Variants in MGAT4C observed in about 807,000 individuals in gnomAD.
MGAT4C encodes the protein MGAT4 family member C.
In MGAT4C, 19 loss-of-function variants were observed where a neutral mutation model predicts 40.1. The observed-to-expected ratio is 0.47, with a 90% confidence interval of 0.33 to 0.70. MGAT4C has a LOEUF of 0.70. Among genes scored for constraint, MGAT4C ranks in the 30% least tolerant of loss-of-function variants. MGAT4C has a pLI of 0.02. For missense variants in MGAT4C, 491 were observed against 563.2 expected (o/e 0.87, Z 1.30); for synonymous variants, 181 against 187.1 (o/e 0.97, Z 0.27).
chr12:86,037,607 A>C (rs1369703406), intron 2 of MGAT4C, among the ~76,000 whole-genome samples: 3 of 149,856 alleles, frequency 2.0e-5, no homozygotes, highest in Non-Finnish European at 4.5e-5. Context: ...GTTTTGAGTG[A>C]GTTTCTTAAT....
At chr12:86,674,352 A>T (rs1342804839) in intron 2 of MGAT4C, among the ~76,000 whole-genome samples, 1 of 152,112 alleles carries the variant, frequency 6.6e-6, no homozygotes, top group Non-Finnish European at 1.5e-5. Flanking sequence ...AATTTTTACT[A>T]TGCATTTTCT....
At chr12:86,603,748 TTATATATAA>T (rs1483587432) in intron 2 of MGAT4C, among the ~76,000 whole-genome samples, 17 of 131,970 alleles carry the variant, frequency 1.3e-4, no homozygotes, top group East Asian at 4.3e-4. Context: ...ATACTATATA[TTATATATAA>T]TATATAGTAT....
Position 85,964,458 on chromosome 12 carries a change from G to T in MGAT4C, c.*14831C>A, listed in dbSNP as rs375594924. 6.6e-6 allele frequency: 1 copy of T among 151,920 alleles called. No individual in the cohort carries two copies. Among genetic ancestry groups the T allele is most frequent in the Non-Finnish European group, 1.5e-5 (1 of 67,952 alleles). The allele number at this position is 151,920 out of a possible 1,614,324, so 9.4% of individuals were successfully genotyped here. On this transcript the variant is annotated 3_prime_UTR_variant, in exon 5 of 5. Coordinates refer to ENST00000611864, the MANE Select transcript of MGAT4C (RefSeq NM_001351288.2). ...GAAATAATAGTATCATTCTATTTCA[G>T]GTTCTTAAGCAACATTCCTAAGACT...
At chr12:86,510,535 C>T (rs1379934854) in intron 2 of MGAT4C, among the ~76,000 whole-genome samples, 2 of 152,122 alleles carry the variant, frequency 1.3e-5, no homozygotes, top group East Asian at 1.9e-4. Flanking sequence ...AATTAAAAGA[C>T]ACAGACTGGC....
chr12:86,387,977 CA>C (rs1956087582), intron 3 of MGAT4C, among the ~76,000 whole-genome samples: 1 of 152,080 alleles, frequency 6.6e-6, no homozygotes. Context: ...TGTGTAGTTT[CA>C]AGATATTAAT....
chr12:86,502,897 T>TAA (rs780394962), intron 2 of MGAT4C, among the ~76,000 whole-genome samples: 1 of 39,176 alleles, frequency 2.6e-5, no homozygotes, highest in African/African-American at 9.6e-5. Context: ...TGCTCATATA[T>TAA]ATATATATAT....
chr12:86,833,480 T>C (rs1002365442), intron 1 of MGAT4C, among the ~76,000 whole-genome samples: 1 of 151,876 alleles, frequency 6.6e-6, no homozygotes, highest in Non-Finnish European at 1.5e-5. Flanking sequence ...CAGGGTTGTA[T>C]GCTTCTGAGG....
In MGAT4C at chr12:86,070,007, A is replaced by G. The variant is rs548404107; in HGVS notation, c.-56-20284T>C. Among the ~76,000 whole-genome samples, 34 of 151,936 alleles carry G rather than the reference A, an allele frequency of 2.2e-4. No individual in the cohort carries two copies. The East Asian group carries it at 6.6e-3, about 29-fold the overall frequency. Reference sequence around the variant, plus strand: ...TTGACCTGGTGCCTTCCTTGAACTCATCTCTTCCATCAGCAGCAGCCACAT... The same window carrying G: ...TTGACCTGGTGCCTTCCTTGAACTCGTCTCTTCCATCAGCAGCAGCCACAT... On this transcript the variant is annotated intron_variant, in intron 1 of 4. Coordinates refer to ENST00000611864, the MANE Select transcript of MGAT4C (RefSeq NM_001351288.2).
intron 2 of MGAT4C, among the ~76,000 whole-genome samples, chr12:86,503,607 CATATATATATATATGAGTTCTGCTCAT>C (rs1958407686): frequency 3.3e-4 from 1 of 3,030 alleles, no homozygotes; most frequent in Non-Finnish European, 4.6e-4. Flanking sequence ...GAGTTCTGCT[CATATATATATATATGAGTTCTGCTCAT>C]ATATATATAT....
intron 4 of MGAT4C, among the ~76,000 whole-genome samples, chr12:86,332,860 AT>A (rs145655428): frequency 1.2e-4 from 18 of 152,104 alleles, no homozygotes; most frequent in South Asian, 2.1e-4. Flanking sequence ...GTTGATTAAC[AT>A]TTTTTTTGTT....
chr12:86,279,568 G>T (rs1482305776), intron 4 of MGAT4C, among the ~76,000 whole-genome samples: 2 of 150,700 alleles, frequency 1.3e-5, no homozygotes, highest in African/African-American at 2.4e-5. Context: ...TATCAACTTT[G>T]CTTACCTTTT....
rs1455301028 is a variant in MGAT4C, at chr12:86,110,293, AGTC to A, written c.-56-60573_-56-60571del. ...CTATATATATAGTCTATATATATAT[AGTC>A]TCTCTATATATATATATATATAGTC... On this transcript the variant is annotated intron_variant, in intron 1 of 4. Coordinates refer to ENST00000611864, the MANE Select transcript of MGAT4C (RefSeq NM_001351288.2). Among the ~76,000 whole-genome samples the A allele has an allele frequency of 7.4e-3, 74 of 10,040 alleles. 1 individual carries two copies. The highest frequency in any genetic ancestry group is 0.016 in the East Asian group (3 of 186). 6.6% of individuals were successfully genotyped at this position (10,040 alleles called of 152,430 possible).
At chr12:86,248,395 A>AT (rs199833659) in intron 1 of MGAT4C, among the ~76,000 whole-genome samples, 13 of 151,268 alleles carry the variant, frequency 8.6e-5, no homozygotes, top group South Asian at 2.1e-4. Flanking sequence ...CTGTCTGTGG[A>AT]TTTTTTTTTG....
intron 2 of MGAT4C, among the ~76,000 whole-genome samples, chr12:86,537,855 G>T (rs576580130): frequency 4.6e-5 from 7 of 152,320 alleles, no homozygotes; most frequent in African/African-American, 1.7e-4. Flanking sequence ...GGGAGGCCAA[G>T]GTGGGTGGAT....
At chr12:86,175,374 T>C (rs1330020998) in intron 1 of MGAT4C, among the ~76,000 whole-genome samples, 3 of 152,198 alleles carry the variant, frequency 2.0e-5, no homozygotes, top group Non-Finnish European at 4.4e-5. Flanking sequence ...ACATTGCTTT[T>C]ACATCCTAAA....
intron 2 of MGAT4C, among the ~76,000 whole-genome samples, chr12:86,582,272 T>G (rs942890603): frequency 6.6e-6 from 1 of 151,372 alleles, no homozygotes; most frequent in African/African-American, 2.4e-5. Context: ...TTATAATTTT[T>G]TTAGAATGTT....
At chr12:86,043,114 T>C (rs1191483139) in intron 2 of MGAT4C, among the ~76,000 whole-genome samples, 3 of 152,162 alleles carry the variant, frequency 2.0e-5, no homozygotes, top group African/African-American at 4.8e-5. Flanking sequence ...ATTTGAATAT[T>C]GTGTCCTCTC....
intron 2 of MGAT4C, among the ~76,000 whole-genome samples, chr12:86,708,718 A>C (rs2136627760): frequency 6.6e-6 from 1 of 152,334 alleles, no homozygotes. Context: ...AAGGAGTCAA[A>C]GGAGATCATT....
chr12:86,376,251 T>G (rs1487504470), intron 3 of MGAT4C, among the ~76,000 whole-genome samples: 6 of 148,964 alleles, frequency 4.0e-5, no homozygotes, highest in Non-Finnish European at 5.9e-5. Flanking sequence ...AGCCGGGTGT[T>G]GTGGTGCATG....
Sources: allele counts gnomAD v4.1 joint callset (sites outside exome capture counted in the v4.1 genomes callset), GRCh38; gene constraint gnomAD v4.1.1; transcripts MANE v1.5; gene names NCBI Gene and HGNC (gene_info 2026-07-23, HGNC 2026-07-21).